Variants in PDE4B observed in about 807,000 individuals in gnomAD.
The protein encoded by PDE4B is phosphodiesterase 4B.
Under a neutral mutation model 82.2 loss-of-function variants are expected in PDE4B, and 20 were observed. The observed-to-expected ratio is 0.24, with a 90% CI of 0.17 to 0.35. PDE4B has a LOEUF of 0.35. Ranked by LOEUF, PDE4B falls within the 10% of genes least tolerant of loss-of-function variation. PDE4B has a pLI of 1.00. For synonymous variants in PDE4B, 320 were observed against 318.9 expected, an observed-to-expected ratio of 1.00 and a Z score of -0.04; for missense variants, 655 against 907.2, an observed-to-expected ratio of 0.72 and a Z score of 3.57.
intron 1 of PDE4B, among the ~76,000 whole-genome samples, chr1:65,854,657 C>A (rs1348438414): frequency 2.0e-5 from 3 of 152,100 alleles, no homozygotes; most frequent in Non-Finnish European, 4.4e-5. Flanking sequence ...TACCCTTTGG[C>A]AATTTAAATA....
At chr1:66,212,454 C>A (rs1374947400) in intron 3 of PDE4B, among the ~76,000 whole-genome samples, 1 of 152,154 alleles carries the variant, frequency 6.6e-6, no homozygotes, top group Non-Finnish European at 1.5e-5. Flanking sequence ...CCTCTTCTAG[C>A]GTTTGCTTGA....
chr1:66,106,373 C>G (rs1645355876), intron 3 of PDE4B, among the ~76,000 whole-genome samples: 1 of 152,078 alleles, frequency 6.6e-6, no homozygotes. Context: ...CATCAATGTT[C>G]ATCAAGGATA....
chr1:65,829,439 T>A (rs1031448596), intron 1 of PDE4B, among the ~76,000 whole-genome samples: 3 of 152,206 alleles, frequency 2.0e-5, no homozygotes, highest in African/African-American at 4.8e-5. Flanking sequence ...TAAACCATGC[T>A]ATAAAAATTA....
chr1:66,040,429 A>G (rs1570059206), intron 3 of PDE4B, among the ~76,000 whole-genome samples: 1 of 152,056 alleles, frequency 6.6e-6, no homozygotes, highest in African/African-American at 2.4e-5. Flanking sequence ...AAGGCTGTGC[A>G]GTGGGAGTAG....
chr1:66,225,007 A>G (rs777816979), intron 3 of PDE4B, among the ~76,000 whole-genome samples: 36 of 152,200 alleles, frequency 2.4e-4, no homozygotes, highest in Admixed American at 1.3e-4. Context: ...CTTTGGACAC[A>G]ATTCATGAAC....
At position 66,096,508 on chromosome 1, in the gene PDE4B, T is replaced by TCATATATATATATATATATATATA. The variant is rs59931848; in HGVS notation, c.282-150952_282-150951insCATATATATATATATATATATATA. Among the ~76,000 whole-genome samples, 7 of 107,318 alleles carry TCATATATATATATATATATATATA rather than the reference T, an allele frequency of 6.5e-5. 1 individual carries two copies. Among genetic ancestry groups the TCATATATATATATATATATATATA allele is most frequent in the Admixed American group, 2.2e-4 (2 of 9,058 alleles). The allele number at this position is 107,318 out of a possible 152,430, so 70.4% of individuals were successfully genotyped here. ...TTAAATGCGGTATAAGTAAAAAAAA[T>TCATATATATATATATATATATATA]TATATATATATATATATATATATAT... On this transcript the variant is annotated intron_variant, in intron 3 of 16. Coordinates refer to ENST00000341517, the MANE Select transcript of PDE4B (RefSeq NM_002600.4).
Position 66,168,021 on chromosome 1 carries a change from A to C in PDE4B, c.282-79439A>C, listed in dbSNP as rs937060773. ...CTGAGAAAATAAAGCCTTTTCCTGT[A>C]AGAGAGTTACCTTGAACATTCACTC... On this transcript the variant is annotated intron_variant, in intron 3 of 16. Coordinates refer to ENST00000341517, the MANE Select transcript of PDE4B (RefSeq NM_002600.4). 6.6e-5 allele frequency among the ~76,000 whole-genome samples: 10 copies of C among 152,322 alleles called. No homozygotes were observed. In the East Asian group the frequency reaches 1.9e-3, roughly 29 times the overall value.
rs113876610 is a variant in PDE4B at position 66,255,611 on chromosome 1, C to A, written c.477-2036C>A. Among the ~76,000 whole-genome samples, 958 of 152,298 alleles carry A rather than the reference C, an allele frequency of 6.3e-3. 8 individuals are homozygous for A. Among genetic ancestry groups the A allele is most frequent in the African/African-American group, 0.022 (932 of 41,552 alleles). Reference sequence around the variant, plus strand: ...CATTTCTCTTCATTGGCAGCATCTACCATCCCTGACTTTTTAAATCCTTCA... The same window carrying A: ...CATTTCTCTTCATTGGCAGCATCTAACATCCCTGACTTTTTAAATCCTTCA... On this transcript the variant is annotated intron_variant, in intron 4 of 16. Coordinates refer to ENST00000341517, the MANE Select transcript of PDE4B (RefSeq NM_002600.4).
At chr1:65,834,367 A>T (rs1368177891) in intron 1 of PDE4B, among the ~76,000 whole-genome samples, 1 of 152,160 alleles carries the variant, frequency 6.6e-6, no homozygotes, top group Non-Finnish European at 1.5e-5. Flanking sequence ...TTGGGATATG[A>T]TGTTGAGTTT....
chr1:65,883,786 T>C (rs537838256), intron 1 of PDE4B, among the ~76,000 whole-genome samples: 23 of 152,322 alleles, frequency 1.5e-4, no homozygotes, highest in Admixed American at 3.9e-4. Flanking sequence ...TGATATTGGC[T>C]GTGGGTTTGT....
chr1:66,220,453 G>A (rs1382813937), intron 3 of PDE4B, among the ~76,000 whole-genome samples: 2 of 152,150 alleles, frequency 1.3e-5, no homozygotes, highest in Non-Finnish European at 2.9e-5. Context: ...ATGAAGTTGA[G>A]GGGCTTTTAA....
At chr1:66,101,078 G>A (rs534878710) in intron 3 of PDE4B, among the ~76,000 whole-genome samples, 4 of 152,160 alleles carry the variant, frequency 2.6e-5, no homozygotes, top group South Asian at 2.1e-4. Flanking sequence ...GAGAACATGC[G>A]GTGTTTGATT....
intron 3 of PDE4B, among the ~76,000 whole-genome samples, chr1:66,037,198 A>G (rs1654114617): frequency 6.6e-6 from 1 of 151,650 alleles, no homozygotes; most frequent in Non-Finnish European, 1.5e-5. Context: ...TTTGATAAGG[A>G]TTGCATTGAA....
intron 1 of PDE4B, among the ~76,000 whole-genome samples, chr1:65,880,627 G>A (rs997569512): frequency 1.3e-5 from 2 of 152,208 alleles, no homozygotes; most frequent in Non-Finnish European, 2.9e-5. Flanking sequence ...TGGTGAAAAA[G>A]CACTATTTGT....
At chr1:66,313,480 A>G (rs1658808315) in intron 7 of PDE4B, among the ~76,000 whole-genome samples, 1 of 152,142 alleles carries the variant, frequency 6.6e-6, no homozygotes. Context: ...TCCTGGCCTC[A>G]GTCTCATCAT....
intron 3 of PDE4B, among the ~76,000 whole-genome samples, chr1:66,227,319 A>C (rs183837584): frequency 2.8e-4 from 42 of 152,188 alleles, no homozygotes; most frequent in African/African-American, 8.2e-4. Context: ...TCTTTGCTTG[A>C]ATCCAGTTTT....
At chr1:66,023,434 G>C (rs1414621137) in intron 3 of PDE4B, among the ~76,000 whole-genome samples, 1 of 152,110 alleles carries the variant, frequency 6.6e-6, no homozygotes, top group African/African-American at 2.4e-5. Flanking sequence ...AAGAAGTATT[G>C]CCAAGAACAA....
At chr1:65,868,135 C>G (rs1255886963) in intron 1 of PDE4B, among the ~76,000 whole-genome samples, 1 of 152,192 alleles carries the variant, frequency 6.6e-6, no homozygotes, top group Non-Finnish European at 1.5e-5. Flanking sequence ...TAGAAACTTT[C>G]TAATTCTTAA....
chr1:66,070,293 T>A (rs908523553), intron 3 of PDE4B, among the ~76,000 whole-genome samples: 2 of 151,930 alleles, frequency 1.3e-5, no homozygotes, highest in African/African-American at 4.8e-5. Context: ...TTAGTTGGAA[T>A]ATGTGAATAT....
Sources: allele counts gnomAD v4.1 joint callset (sites outside exome capture counted in the v4.1 genomes callset), GRCh38; gene constraint gnomAD v4.1.1; transcripts MANE v1.5; gene names NCBI Gene and HGNC (gene_info 2026-07-23, HGNC 2026-07-21).